Variants in DLC1 observed in about 807,000 individuals in gnomAD.
DLC1 encodes rho GTPase-activating protein 7.
DLC1 carries 54 observed loss-of-function variants against 140.3 expected under a neutral mutation model. The ratio of observed to expected loss-of-function variants is 0.38; its 90% confidence interval spans 0.31 to 0.48. The LOEUF is 0.48. DLC1 is among the 20% of genes least tolerant of loss of function. The pLI, the probability that DLC1 is intolerant of heterozygous loss-of-function variation, is 0.96. For missense variants in DLC1, 2,536 were observed against 1,907.0 expected (o/e 1.33, Z -6.14); for synonymous variants, 986 against 728.1 (o/e 1.35, Z -5.70).
intron 4 of DLC1, among the ~76,000 whole-genome samples, chr8:13,321,991 A>G (rs375705803): frequency 1.3e-5 from 2 of 152,132 alleles, no homozygotes; most frequent in East Asian, 1.9e-4. Flanking sequence ...TAGATCCTCT[A>G]TTTGGAGAAC....
At chr8:13,136,824 C>T (rs192113304) in intron 5 of DLC1, among the ~76,000 whole-genome samples, 383 of 152,238 alleles carry the variant, frequency 2.5e-3, no homozygotes, top group African/African-American at 8.5e-3. Flanking sequence ...TGTGAGCCAC[C>T]ACACCTGGTC....
At chr8:13,229,871 C>G (rs1451357095) in intron 5 of DLC1, among the ~76,000 whole-genome samples, 1 of 152,194 alleles carries the variant, frequency 6.6e-6, no homozygotes, top group Non-Finnish European at 1.5e-5. Context: ...ACATTTCCAT[C>G]TTAGACCAGA....
At chr8:13,090,228 G>A in intron 15 of DLC1, 24 bp downstream of exon 15, 1 of 1,605,802 alleles carries the variant, frequency 6.2e-7, no homozygotes, top group Non-Finnish European at 8.5e-7. Context: ...GACTCAACTA[G>A]CCGACAACAG....
rs79497371 is a variant in DLC1 at position 13,143,857 on chromosome 8, A to G, written c.1349-28200T>C. ...GAGAGAGAGAGAGAGAGAGAGACAT[A>G]GACATGCCAAGGTTTTCCAGCCGTT... On this transcript the variant is annotated intron_variant, in intron 5 of 17. Transcript: ENST00000276297. Among the ~76,000 whole-genome samples the G allele has an allele frequency of 4.0e-3, 602 of 149,592 alleles. 5 individuals carry two copies. The highest frequency in any genetic ancestry group is 0.015 in the African/African-American group (580 of 39,290).
At chr8:13,156,631 G>T (rs1253108509) in intron 5 of DLC1, among the ~76,000 whole-genome samples, 1 of 152,180 alleles carries the variant, frequency 6.6e-6, no homozygotes, top group African/African-American at 2.4e-5. Flanking sequence ...GGAGGAAAGG[G>T]TGGGTGTCCA....
At chr8:13,584,083 G>A (rs1347671615) in intron 1 of DLC1, 1 of 152,714 alleles carries the variant, frequency 6.5e-6, no homozygotes, top group Non-Finnish European at 1.5e-5. Context: ...GGATAAGCAG[G>A]TGTCTTGCTT....
chr8:13,237,761 T>C (rs1365100721), intron 5 of DLC1, among the ~76,000 whole-genome samples: 1 of 152,178 alleles, frequency 6.6e-6, no homozygotes, highest in African/African-American at 2.4e-5. Context: ...TTTTCTAGTA[T>C]GCTGCTGGCT....
chr8:13,215,458 C>T (rs1265176917), intron 5 of DLC1, among the ~76,000 whole-genome samples: 12 of 151,992 alleles, frequency 7.9e-5, no homozygotes, highest in Non-Finnish European at 1.6e-4. Context: ...TGGTGGGGCA[C>T]GTCTATAGTC....
chr8:13,331,543 T>C (rs149813733), intron 4 of DLC1, among the ~76,000 whole-genome samples: 10 of 152,304 alleles, frequency 6.6e-5, no homozygotes, highest in African/African-American at 2.2e-4. Context: ...AGAATCAGTA[T>C]GTGTAATTTT....
At position 13,195,151 on chromosome 8, in the gene DLC1, T is replaced by C. The variant is rs144547900; in HGVS notation, c.1349-79494A>G. On this transcript the variant is annotated intron_variant, in intron 5 of 17. Coordinates refer to ENST00000276297, the MANE Select transcript of DLC1 (RefSeq NM_182643.3). ...TTATTTGGCCCAAACCAATACTATA[T>C]GATATTCCTTCACATGGGAAAGAAT... Among the ~76,000 whole-genome samples the C allele has an allele frequency of 1.1e-3, 174 of 152,336 alleles. 1 individual carries two copies. In the East Asian group the frequency reaches 0.022, roughly 19 times the overall value.
At chr8:13,376,343 C>G (rs1441378753) in intron 4 of DLC1, among the ~76,000 whole-genome samples, 1 of 152,164 alleles carries the variant, frequency 6.6e-6, no homozygotes, top group African/African-American at 2.4e-5. Flanking sequence ...TTGCTAATGA[C>G]AAACATTCTC....
chr8:13,464,476 A>T (rs1424167054), intron 2 of DLC1, among the ~76,000 whole-genome samples: 1 of 151,662 alleles, frequency 6.6e-6, no homozygotes, highest in African/African-American at 2.4e-5. Flanking sequence ...TTGTTATCAC[A>T]TTAAATGTTT....
chr8:13,353,979 G>T (rs1258724784), intron 4 of DLC1, among the ~76,000 whole-genome samples: 2 of 151,846 alleles, frequency 1.3e-5, no homozygotes, highest in African/African-American at 4.8e-5. Context: ...GGTTCCTTCT[G>T]TGGGTCCACT....
At chr8:13,162,715 G>A (rs1824802069) in intron 5 of DLC1, among the ~76,000 whole-genome samples, 2 of 152,124 alleles carry the variant, frequency 1.3e-5, no homozygotes, top group South Asian at 2.1e-4. Context: ...CAAGGCAGGA[G>A]GATCACTTGA....
chr8:13,557,290 G>T (rs1323934016), intron 1 of DLC1, among the ~76,000 whole-genome samples: 1 of 152,146 alleles, frequency 6.6e-6, no homozygotes, highest in Non-Finnish European at 1.5e-5. Context: ...ATGGTGAGAT[G>T]CAGCAACAGA....
Position 13,333,694 on chromosome 8 carries a change from G to A in DLC1, c.1315-28392C>T, listed in dbSNP as rs531065388. On this transcript the variant is annotated intron_variant, in intron 4 of 17. Coordinates refer to ENST00000276297, the MANE Select transcript of DLC1 (RefSeq NM_182643.3). ...TAAAATATAGCTTTATTTACAATGT[G>A]TACAACAAAATTTATAGTAACTCAA... Among the ~76,000 whole-genome samples the A allele has an allele frequency of 2.0e-5, 3 of 152,280 alleles. No homozygotes were observed. The East Asian group carries it at 5.8e-4, about 29-fold the overall frequency.
chr8:13,440,198 A>C (rs1798443373), intron 2 of DLC1, among the ~76,000 whole-genome samples: 1 of 152,134 alleles, frequency 6.6e-6, no homozygotes, highest in African/African-American at 2.4e-5. Context: ...AGCCTGTTTT[A>C]TTTGCGGTGT....
chr8:13,100,326 T>A lies in DLC1; in HGVS notation c.2011A>T (p.Met671Leu). 1 of 1,614,186 alleles carries A rather than the reference T, an allele frequency of 6.2e-7. No homozygotes were observed. Reference sequence around the variant, plus strand: ...GAGCTCTTGAGCTTCAGGCTCTCCATCCGTTTCAGCAGACTGCGCGTCTTG... The same window carrying A: ...GAGCTCTTGAGCTTCAGGCTCTCCAACCGTTTCAGCAGACTGCGCGTCTTG... ...KSKTRSLLKR[M>L]ESLKLKSSHH... is the part of the protein sequence containing the mutation. The change falls in exon 9 of 18, where the codon ATG becomes TTG. Residue 671 changes from methionine to leucine, a missense_variant. Physicochemically the swap from Met to Leu is conservative, Grantham distance 15 (BLOSUM62 2). Transcript: ENST00000276297.
At chr8:13,592,452 A>G (rs1177671173) in intron 1 of DLC1, among the ~76,000 whole-genome samples, 1 of 151,878 alleles carries the variant, frequency 6.6e-6, no homozygotes, top group Non-Finnish European at 1.5e-5. Flanking sequence ...TTAATGTTCT[A>G]TATAGCTTAT....
Sources: gnomAD v4.1 joint callset for allele counts (sites outside exome capture counted in the v4.1 genomes callset) on GRCh38, gnomAD v4.1.1 for gene constraint, MANE v1.5 for transcripts, NCBI Gene and HGNC (gene_info 2026-07-23, HGNC 2026-07-21) for gene names.